The following NTRK3 variants were observed in gnomAD, a reference collection of about 807,000 sequenced individuals.
NTRK3 encodes the protein neurotrophic receptor tyrosine kinase 3, also known as NT-3 growth factor receptor.
In NTRK3, 24 loss-of-function variants were observed where a neutral mutation model predicts 91.7. The observed-to-expected ratio is 0.26, with a 90% CI of 0.19 to 0.37. NTRK3 has a LOEUF of 0.37. Ranked by LOEUF, NTRK3 falls within the 10% of genes least tolerant of loss-of-function variation. NTRK3 has a pLI of 1.00. For missense variants in NTRK3, 880 were observed against 1,068.9 expected (o/e 0.82, Z 2.46); for synonymous variants, 483 against 404.0 (o/e 1.20, Z -2.34).
chr15:88,060,637 A>G (rs796500050), intron 13 of NTRK3, among the ~76,000 whole-genome samples: 4 of 152,260 alleles, frequency 2.6e-5, no homozygotes, highest in African/African-American at 9.6e-5. Flanking sequence ...TTTGATGGGA[A>G]GCCCTTGGAA....
At chr15:87,925,503 A>C (rs186007505) in intron 17 of NTRK3, 265 of 203,986 alleles carry the variant, frequency 1.3e-3, no homozygotes, top group Non-Finnish European at 2.3e-3. Context: ...GGTGTTAGGC[A>C]TAAGAAGCCA....
chr15:87,989,440 G>A (rs1399370693), intron 14 of NTRK3, among the ~76,000 whole-genome samples: 1 of 151,318 alleles, frequency 6.6e-6, no homozygotes, highest in African/African-American at 2.4e-5. Context: ...ACTCATAGGT[G>A]GGAATCGAAC....
chr15:88,236,735 A>G lies in NTRK3; in HGVS notation c.248+19171T>C, dbSNP rs76940408. Among the ~76,000 whole-genome samples the G allele has an allele frequency of 1.9e-3, 284 of 150,638 alleles. 4 individuals are homozygous for G. In the East Asian group the frequency reaches 0.043, roughly 23 times the overall value. On this transcript the variant is annotated intron_variant, in intron 3 of 18. Transcript: ENST00000394480. Reference sequence around the variant, plus strand: ...ACACTATAAATTCGCCCATGAAACCAAAAACAACTTGTACTCCAAAAGCTA... The same window carrying G: ...ACACTATAAATTCGCCCATGAAACCGAAAACAACTTGTACTCCAAAAGCTA...
chr15:88,100,274 G>A (rs988898781), intron 13 of NTRK3, among the ~76,000 whole-genome samples: 3 of 152,252 alleles, frequency 2.0e-5, no homozygotes, highest in African/African-American at 4.8e-5. Flanking sequence ...AAGAGGCTTC[G>A]GTGCTATTAC....
intron 13 of NTRK3, among the ~76,000 whole-genome samples, chr15:88,051,047 G>T (rs895026587): frequency 5.9e-5 from 9 of 152,060 alleles, no homozygotes; most frequent in African/African-American, 1.9e-4. Flanking sequence ...TGTACAAATT[G>T]GGTTTGACAT....
At chr15:87,966,799 A>T (rs960293992) in intron 14 of NTRK3, among the ~76,000 whole-genome samples, 10 of 152,202 alleles carry the variant, frequency 6.6e-5, no homozygotes, top group African/African-American at 1.7e-4. Context: ...GACTTTTGGC[A>T]GCTAAAGGAG....
At chr15:88,072,448 C>T (rs1038130896) in intron 13 of NTRK3, 9 of 227,674 alleles carry the variant, frequency 4.0e-5, no homozygotes, top group East Asian at 1.9e-4. Flanking sequence ...CAATTTATTC[C>T]GGAGAGGGAG....
At chr15:87,924,419 T>C (rs2068123786) in intron 17 of NTRK3, among the ~76,000 whole-genome samples, 1 of 152,116 alleles carries the variant, frequency 6.6e-6, no homozygotes, top group African/African-American at 2.4e-5. Context: ...TAGAATCCAG[T>C]GCCTTACTAC....
chr15:88,046,548 C>T (rs2080217004), intron 13 of NTRK3, among the ~76,000 whole-genome samples: 1 of 152,184 alleles, frequency 6.6e-6, no homozygotes, highest in Non-Finnish European at 1.5e-5. Context: ...CAAGGAAGGA[C>T]ACCTCACCCA....
intron 13 of NTRK3, among the ~76,000 whole-genome samples, chr15:88,100,481 C>G (rs1380673523): frequency 6.6e-6 from 1 of 152,174 alleles, no homozygotes; most frequent in Non-Finnish European, 1.5e-5. Flanking sequence ...ACAGAGTTTA[C>G]CATTCCATCT....
chr15:88,178,314 C>T (rs142697612), intron 5 of NTRK3, among the ~76,000 whole-genome samples: 1 of 152,278 alleles, frequency 6.6e-6, no homozygotes, highest in East Asian at 1.9e-4. Flanking sequence ...TCCATGTCAC[C>T]ATTTTTTCAC....
intron 5 of NTRK3, among the ~76,000 whole-genome samples, chr15:88,177,022 G>A (rs1183639976): frequency 2.6e-5 from 4 of 152,176 alleles, no homozygotes; most frequent in Non-Finnish European, 5.9e-5. Context: ...CCAGGGCAGG[G>A]TATCTGTTTG....
At chr15:88,111,908 GTTTT>G (rs57625455) in intron 13 of NTRK3, among the ~76,000 whole-genome samples, 3 of 134,978 alleles carry the variant, frequency 2.2e-5, no homozygotes, top group Admixed American at 7.4e-5. Flanking sequence ...TTTTGTTTTT[GTTTT>G]TTTTTTTTGA....
chr15:88,169,078 G>T (rs77262800), intron 5 of NTRK3, among the ~76,000 whole-genome samples: 1 of 152,194 alleles, frequency 6.6e-6, no homozygotes, highest in Non-Finnish European at 1.5e-5. Context: ...CGAGGGAAGC[G>T]CAATGTGGCT....
At chr15:88,086,110 C>A (rs2048472844) in intron 13 of NTRK3, among the ~76,000 whole-genome samples, 1 of 152,234 alleles carries the variant, frequency 6.6e-6, no homozygotes, top group Non-Finnish European at 1.5e-5. Context: ...GATCCTAAGA[C>A]ATAACCAGAA....
Position 88,240,203 on chromosome 15 carries a change from C to T in NTRK3, c.248+15703G>A, listed in dbSNP as rs1269105529. ...CCCTACTTTCCCATCCCGTCCCCAGCCACCGCCATAGAAACATCACAAGTC... is the reference window on the plus strand; with the variant it reads ...CCCTACTTTCCCATCCCGTCCCCAGTCACCGCCATAGAAACATCACAAGTC... On this transcript the variant is annotated intron_variant, in intron 3 of 18. Coordinates refer to ENST00000394480, the Ensembl canonical transcript of NTRK3. The surrounding 1 kb of genome is among the most constrained non-coding windows in gnomAD (Gnocchi z 4.9). 6.6e-6 allele frequency among the ~76,000 whole-genome samples: 1 copy of T among 151,812 alleles called. No homozygotes were observed. The highest frequency in any genetic ancestry group is 1.5e-5 in the Non-Finnish European group (1 of 67,966).
chr15:88,007,776 C>T (rs2076600307), intron 14 of NTRK3, among the ~76,000 whole-genome samples: 1 of 152,206 alleles, frequency 6.6e-6, no homozygotes, highest in Non-Finnish European at 1.5e-5. Context: ...CTGTCTTCTG[C>T]ACACAAACCA....
chr15:88,066,892 G>T (rs2142593801), intron 13 of NTRK3, among the ~76,000 whole-genome samples: 1 of 152,256 alleles, frequency 6.6e-6, no homozygotes, highest in East Asian at 1.9e-4. Flanking sequence ...TAGTAGGGTG[G>T]CTGGAAAGGC....
intron 5 of NTRK3, among the ~76,000 whole-genome samples, chr15:88,161,737 C>A (rs1490697301): frequency 2.0e-5 from 3 of 152,170 alleles, no homozygotes; most frequent in Admixed American, 1.3e-4. Flanking sequence ...CAAATCAGGG[C>A]TGGAGCATCC....
Sources: allele counts gnomAD v4.1 joint callset (sites outside exome capture counted in the v4.1 genomes callset), GRCh38; gene constraint gnomAD v4.1.1; non-coding constraint Gnocchi (gnomAD v3.1); transcripts MANE v1.5; gene names NCBI Gene and HGNC (gene_info 2026-07-23, HGNC 2026-07-21).